The following ANKRD45 variants were observed in gnomAD, a reference collection of about 807,000 sequenced individuals.
ANKRD45 encodes ankyrin repeat domain 45.
ANKRD45 carries 21 observed loss-of-function variants against 28.1 expected under a neutral mutation model. The ratio of observed to expected loss-of-function variants is 0.75; its 90% CI spans 0.53 to 1.08. The LOEUF is 1.08. Ranked by LOEUF, ANKRD45 falls within the 50% of genes least tolerant of loss-of-function variation. The pLI is 0.00. For missense variants in ANKRD45, 261 were observed against 308.7 expected (o/e 0.85, Z 1.16); for synonymous variants, 86 against 103.9 (o/e 0.83, Z 1.05).
chr1:173,701,390 T>C, the ANKRD45 span, among the ~76,000 whole-genome samples: 3 of 152,186 alleles, frequency 2.0e-5, no homozygotes, highest in African/African-American at 7.2e-5. Flanking sequence ...TGCGGCACTA[T>C]TCACAATAGT....
the ANKRD45 span, chr1:173,675,409 C>A: frequency 4.0e-6 from 1 of 246,918 alleles, no homozygotes; most frequent in Non-Finnish European, 8.2e-6. Flanking sequence ...GGTCAGGAGT[C>A]TGAGACCAGC....
At chr1:173,665,270 T>C (rs1669958754) in intron 1 of ANKRD45, among the ~76,000 whole-genome samples, 1 of 152,192 alleles carries the variant, frequency 6.6e-6, no homozygotes, top group South Asian at 2.1e-4. Flanking sequence ...CCTAAGTAGC[T>C]GGGCTCACAA....
intron 2 of ANKRD45, among the ~76,000 whole-genome samples, chr1:173,647,986 A>T (rs1160593307): frequency 6.6e-6 from 1 of 151,706 alleles, no homozygotes; most frequent in Non-Finnish European, 1.5e-5. Flanking sequence ...CGCTGTTGCC[A>T]GGCTGGAGTG....
At chr1:173,660,085 C>CT (rs941595291) in intron 1 of ANKRD45, among the ~76,000 whole-genome samples, 11 of 151,072 alleles carry the variant, frequency 7.3e-5, no homozygotes, top group Admixed American at 1.3e-4. Flanking sequence ...CAAGATGTTT[C>CT]TTTTTTTTTC....
At chr1:173,656,075 C>T (rs190724538) in intron 2 of ANKRD45, among the ~76,000 whole-genome samples, 46 of 152,320 alleles carry the variant, frequency 3.0e-4, no homozygotes, top group South Asian at 1.9e-3. Flanking sequence ...GAGGCGATGC[C>T]CTGCCCTGCT....
In ANKRD45 at chr1:173,627,138, T is replaced by C. The variant is rs1164311440; in HGVS notation, c.518A>G (p.Lys173Arg). 1 of 1,612,410 alleles carries C rather than the reference T, an allele frequency of 6.2e-7. No homozygotes were observed. Among genetic ancestry groups the C allele is most frequent in the South Asian group, 1.1e-5 (1 of 91,016 alleles). Reference sequence around the variant, plus strand: ...AGCTAAAGAGACTTTTGCAATATATTTTTTCAGAGTCAGCCTTGCATCTGA... The same window carrying C: ...AGCTAAAGAGACTTTTGCAATATATCTTTTCAGAGTCAGCCTTGCATCTGA... ...DWADARLTLK[K>R]YIAKVSLAVT... The change falls in exon 4 of 6, where the codon AAA (lysine) becomes AGA (arginine). Residue 173 changes from lysine (K) to arginine (R), a missense_variant. Lys to Arg is a conservative substitution (Grantham distance 26). Coordinates refer to ENST00000333279, the MANE Select transcript of ANKRD45 (RefSeq NM_198493.3).
At chr1:173,627,701 C>T (rs1558123763) in intron 3 of ANKRD45, among the ~76,000 whole-genome samples, 1 of 152,032 alleles carries the variant, frequency 6.6e-6, no homozygotes, top group Non-Finnish European at 1.5e-5. Context: ...ATCTAGGCCA[C>T]GAGGGCTGCA....
chr1:173,678,122 A>G, the ANKRD45 span, among the ~76,000 whole-genome samples: 2 of 152,352 alleles, frequency 1.3e-5, no homozygotes, highest in African/African-American at 4.8e-5. Context: ...ACAGATTCAC[A>G]GTCAAATACT....
the ANKRD45 span, among the ~76,000 whole-genome samples, chr1:173,707,149 T>G: frequency 6.6e-6 from 1 of 152,286 alleles, no homozygotes; most frequent in Non-Finnish European, 1.5e-5. Flanking sequence ...TTTTCTCTAT[T>G]TTTAGGAGTC....
intron 2 of ANKRD45, among the ~76,000 whole-genome samples, chr1:173,651,933 G>A (rs1029916560): frequency 1.3e-5 from 2 of 152,146 alleles, no homozygotes; most frequent in Non-Finnish European, 2.9e-5. Flanking sequence ...TGTGATTTTT[G>A]CACATTGCTT....
At position 173,608,690 on chromosome 1, in the gene ANKRD45, T is replaced by G. The variant is rs865921510; in HGVS notation, c.*1455A>C. Among the ~76,000 whole-genome samples the G allele has an allele frequency of 6.7e-6, 1 of 150,228 alleles. No homozygotes were observed. Among genetic ancestry groups the G allele is most frequent in the African/African-American group, 2.5e-5 (1 of 40,578 alleles). ...TGAGTGCAGGAGTTACAGGTTACAG[T>G]GAGCTATGATCATGATAACTCCACT... On this transcript the variant is annotated 3_prime_UTR_variant, in exon 6 of 6. Transcript: ENST00000333279.
chr1:173,684,112 G>C, the ANKRD45 span, among the ~76,000 whole-genome samples: 1 of 151,966 alleles, frequency 6.6e-6, no homozygotes, highest in Non-Finnish European at 1.5e-5. Flanking sequence ...GCAGCTGATC[G>C]GAATGAGTTA....
At chr1:173,626,582 C>T (rs1239991388) in intron 4 of ANKRD45, among the ~76,000 whole-genome samples, 2 of 152,104 alleles carry the variant, frequency 1.3e-5, no homozygotes, top group African/African-American at 4.8e-5. Flanking sequence ...CAGAACACTA[C>T]CAGTACTATT....
At chr1:173,636,315 C>T (rs1278623284) in intron 3 of ANKRD45, among the ~76,000 whole-genome samples, 2 of 152,168 alleles carry the variant, frequency 1.3e-5, no homozygotes. Context: ...GAACAACTTT[C>T]TGAGAAATGG....
the ANKRD45 span, among the ~76,000 whole-genome samples, chr1:173,678,157 T>C: frequency 1.3e-5 from 2 of 152,204 alleles, no homozygotes; most frequent in Non-Finnish European, 2.9e-5. Context: ...GAGGAACTGG[T>C]ACCATTCCTT....
chr1:173,705,526 G>C, the ANKRD45 span, among the ~76,000 whole-genome samples: 1 of 151,142 alleles, frequency 6.6e-6, no homozygotes, highest in East Asian at 1.9e-4. Context: ...AATTAGCCAG[G>C]TGTGGTGGCA....
At chr1:173,695,121 ATC>A in the ANKRD45 span, among the ~76,000 whole-genome samples, 1 of 152,172 alleles carries the variant, frequency 6.6e-6, no homozygotes. Context: ...ATATTCTTCA[ATC>A]ATGCTATTAT....
At chr1:173,654,611 T>A (rs1012555570) in intron 2 of ANKRD45, among the ~76,000 whole-genome samples, 3 of 152,216 alleles carry the variant, frequency 2.0e-5, no homozygotes, top group Non-Finnish European at 4.4e-5. Flanking sequence ...CTTTGTGGTG[T>A]TCTCTGAATT....
chr1:173,647,252 GCC>G (rs1668977287), intron 2 of ANKRD45, among the ~76,000 whole-genome samples: 2 of 152,118 alleles, frequency 1.3e-5, no homozygotes, highest in Admixed American at 1.3e-4. Flanking sequence ...TAAGAAACTT[GCC>G]CAAGGAAACA....
Sources: gnomAD v4.1 joint callset for allele counts (sites outside exome capture counted in the v4.1 genomes callset) on GRCh38, gnomAD v4.1.1 for gene constraint, MANE v1.5 for transcripts, NCBI Gene and HGNC (gene_info 2026-07-23, HGNC 2026-07-21) for gene names.